The following CFAP69 variants were observed in gnomAD, a reference collection of about 807,000 sequenced individuals.
The protein encoded by CFAP69 is cilia and flagella associated protein 69.
A neutral mutation model predicts 123.0 loss-of-function variants in CFAP69; 92 were observed. That is an observed-to-expected ratio of 0.75 (90% CI 0.63 to 0.89). CFAP69 has a LOEUF of 0.89. Among genes scored for constraint, CFAP69 ranks in the 40% least tolerant of loss-of-function variants. CFAP69 has a pLI of 0.00. For synonymous variants in CFAP69, 380 were observed against 364.3 expected (o/e 1.04, Z -0.49); for missense variants, 1,067 against 1,096.9 (o/e 0.97, Z 0.39).
At chr7:90,249,134 G>A (rs937753023) in intron 1 of CFAP69, among the ~76,000 whole-genome samples, 5 of 152,272 alleles carry the variant, frequency 3.3e-5, no homozygotes, top group Middle Eastern at 3.4e-3. Flanking sequence ...GGTGTTGAGG[G>A]AGGGACCTGG....
chr7:90,321,292 G>A, the CFAP69 span: 1 of 152,352 alleles, frequency 6.6e-6, no homozygotes, highest in South Asian at 2.1e-4. Flanking sequence ...GCCACGCGGG[G>A]TTCCCGAGAC....
intron 12 of CFAP69, among the ~76,000 whole-genome samples, chr7:90,281,461 A>G (rs897286190): frequency 6.6e-6 from 1 of 152,194 alleles, no homozygotes; most frequent in Non-Finnish European, 1.5e-5. Context: ...GGAGAGACCA[A>G]TGGCATGGAA....
chr7:90,290,350 C>T (rs981165529), intron 15 of CFAP69, among the ~76,000 whole-genome samples: 1 of 152,146 alleles, frequency 6.6e-6, no homozygotes, highest in Non-Finnish European at 1.5e-5. Context: ...ATGCTTGAAG[C>T]CCAAGAAGAG....
rs1793340153 is a variant in CFAP69 at position 90,304,888 on chromosome 7, A to T, written c.2265+68A>T. On this transcript the variant is annotated intron_variant, in intron 19 of 22. Transcript: ENST00000389297. ...CAAAAAATTAACTGGAAAATAAAAT[A>T]TCTATTCATGGTTGTGAGCAATCAT... The T allele has an allele frequency of 3.3e-5, 35 of 1,075,760 alleles. No individual in the cohort carries two copies. In the South Asian group the frequency reaches 4.7e-4, roughly 15 times the overall value. The allele number at this position is 1,075,760 out of a possible 1,614,324, so 66.6% of individuals were successfully genotyped here.
intron 8 of CFAP69, 47 bp downstream of exon 8, chr7:90,272,005 A>G: frequency 6.7e-7 from 1 of 1,485,414 alleles, no homozygotes; most frequent in Non-Finnish European, 9.1e-7. Flanking sequence ...TCTTAAAATG[A>G]CAGCCAGTGA....
At chr7:90,319,192 T>A in the CFAP69 span, 3 of 394,736 alleles carry the variant, frequency 7.6e-6, no homozygotes, top group Admixed American at 8.8e-5. Flanking sequence ...TTGTAAATAA[T>A]GTAAAATGAG....
Position 90,279,667 on chromosome 7 carries a change from T to C in CFAP69, c.1156-10T>C. 6.4e-7 allele frequency: 1 copy of C among 1,562,502 alleles called. No individual in the cohort carries two copies. The highest frequency in any genetic ancestry group is 8.7e-7 in the Non-Finnish European group (1 of 1,153,384). On this transcript the variant is annotated splice_polypyrimidine_tract_variant and intron_variant, in intron 11 of 22. Transcript: ENST00000389297. ...GTTTCTAACAAAGTATCCTTTGTTC[T>C]TTCTCACAGCTATTAATTGATGGCA... is the stretch of plus-strand genomic sequence containing the variant.
chr7:90,260,467 A>T (rs1798172699), intron 3 of CFAP69, among the ~76,000 whole-genome samples: 1 of 152,250 alleles, frequency 6.6e-6, no homozygotes, highest in South Asian at 2.1e-4. Flanking sequence ...TCGAGGCTGC[A>T]GTGAGCTATG....
At chr7:90,296,154 T>C (rs918545588) in intron 15 of CFAP69, among the ~76,000 whole-genome samples, 1 of 152,146 alleles carries the variant, frequency 6.6e-6, no homozygotes, top group African/African-American at 2.4e-5. Context: ...CAAACACCTC[T>C]AACAAAATAA....
intron 19 of CFAP69, 61 bp downstream of exon 19, chr7:90,304,881 A>C: frequency 9.1e-7 from 1 of 1,102,354 alleles, no homozygotes; most frequent in Non-Finnish European, 1.3e-6. Flanking sequence ...TAACTGGAAA[A>C]TAAAATATCT....
chr7:90,306,259 A>G (rs1793579208), intron 19 of CFAP69, among the ~76,000 whole-genome samples: 1 of 151,946 alleles, frequency 6.6e-6, no homozygotes, highest in African/African-American at 2.4e-5. Context: ...TTTTTCTTTA[A>G]TTTTATGGGT....
At chr7:90,264,248 T>A (rs532983355) in intron 4 of CFAP69, among the ~76,000 whole-genome samples, 70 of 150,726 alleles carry the variant, frequency 4.6e-4, no homozygotes, top group African/African-American at 1.6e-3. Flanking sequence ...TTTATATATT[T>A]AAAAAATAAC....
chr7:90,255,737 T>G (rs1349236387), intron 2 of CFAP69, among the ~76,000 whole-genome samples: 10 of 152,122 alleles, frequency 6.6e-5, no homozygotes, highest in Admixed American at 5.9e-4. Flanking sequence ...ACAGAAGGAA[T>G]CCTAAGAGTA....
At position 90,258,178 on chromosome 7, in the gene CFAP69, T is replaced by A; in HGVS notation, c.246+15T>A. ...AGAATGGACTTGTATCCTTTACATA[T>A]ATATGTATGTTCATTTCATTTATTC... On this transcript the variant is annotated intron_variant, in intron 3 of 22. Transcript: ENST00000389297. The A allele has an allele frequency of 6.7e-7, 1 of 1,499,396 alleles. No individual in the cohort carries two copies. The highest frequency in any genetic ancestry group is 1.2e-5 in the South Asian group (1 of 83,872). The allele number at this position is 1,499,396 out of a possible 1,614,324, so 92.9% of individuals were successfully genotyped here. A position where few individuals can be genotyped will look rare whatever the true frequency, so the allele number is the denominator to read the frequency against.
chr7:90,319,518 G>A, the CFAP69 span: 1 of 398,504 alleles, frequency 2.5e-6, no homozygotes, highest in South Asian at 1.3e-4. Context: ...ATTTTTGCAA[G>A]AACAACATGA....
intron 3 of CFAP69, among the ~76,000 whole-genome samples, chr7:90,258,568 G>C (rs1370446552): frequency 6.6e-6 from 1 of 151,640 alleles, no homozygotes; most frequent in Admixed American, 6.6e-5. Context: ...GATTACGGTG[G>C]GCCCACCTGG....
intron 3 of CFAP69, among the ~76,000 whole-genome samples, chr7:90,261,074 C>T (rs562693286): frequency 2.7e-5 from 4 of 147,486 alleles, no homozygotes; most frequent in Admixed American, 7.0e-5. Context: ...TGTTTATGTG[C>T]CAATAGGATT....
Position 90,306,996 on chromosome 7 carries a change from AG to A in CFAP69, c.2362del (p.Ala788HisfsTer16). ...AAAAAGCTTTGGAAGCTATTACAAC[AG>A]CATCAGAAAATATTGGAAAGATGGT... ...DKKALEAITTASENIGKMVAS... is the reference protein window; with the variant it reads ...DKKALEAITTXSENIGKMVAS... On this transcript the variant is annotated frameshift_variant, in exon 20 of 23. Transcript: ENST00000389297. LOFTEE classifies it high-confidence loss of function. 1 of 1,612,574 alleles carries A rather than the reference AG, an allele frequency of 6.2e-7. No individual in the cohort carries two copies. Among genetic ancestry groups the A allele is most frequent in the South Asian group, 1.1e-5 (1 of 90,910 alleles).
intron 1 of CFAP69, among the ~76,000 whole-genome samples, chr7:90,249,468 T>G (rs1326231200): frequency 2.6e-5 from 4 of 152,150 alleles, no homozygotes; most frequent in African/African-American, 7.2e-5. Context: ...GGAAGATAGT[T>G]CTCAGATTGT....
Sources: allele counts gnomAD v4.1 joint callset (sites outside exome capture counted in the v4.1 genomes callset), GRCh38; gene constraint gnomAD v4.1.1; transcripts MANE v1.5; gene names NCBI Gene and HGNC (gene_info 2026-07-23, HGNC 2026-07-21).